The following SPEF2 variants were observed in gnomAD, a reference collection of about 807,000 sequenced individuals.
The protein encoded by SPEF2 is sperm flagellar and cilia associated 2.
In SPEF2, 187 loss-of-function variants were observed where a neutral mutation model predicts 224.6. The ratio of observed to expected loss-of-function variants is 0.83; its 90% CI spans 0.74 to 0.94. SPEF2 has a LOEUF of 0.94. Among genes scored for constraint, SPEF2 ranks in the 40% least tolerant of loss-of-function variants. The pLI, the probability that SPEF2 is intolerant of heterozygous loss-of-function variation, is 0.00. For missense variants in SPEF2, 2,170 were observed against 2,135.6 expected, an observed-to-expected ratio of 1.02 and a Z score of -0.32; for synonymous variants, 715 against 707.3, an observed-to-expected ratio of 1.01 and a Z score of -0.17.
intron 21 of SPEF2, among the ~76,000 whole-genome samples, chr5:35,738,943 AG>A (rs1747117056): frequency 6.6e-6 from 1 of 151,990 alleles, no homozygotes; most frequent in African/African-American, 2.4e-5. Context: ...CTTCCTCCCA[AG>A]CTTTACCAGC....
At chr5:35,700,940 C>T (rs764908027) in intron 16 of SPEF2, among the ~76,000 whole-genome samples, 188 bp downstream of exon 16, 28 of 152,238 alleles carry the variant, frequency 1.8e-4, no homozygotes, top group Middle Eastern at 6.8e-3. Flanking sequence ...TGGGCAAAGC[C>T]GGGAACTAGT....
intron 1 of SPEF2, among the ~76,000 whole-genome samples, chr5:35,621,609 C>G (rs568410082): frequency 6.6e-6 from 1 of 152,210 alleles, no homozygotes; most frequent in South Asian, 2.1e-4. Context: ...CCATCTCGGC[C>G]TATTATAATA....
At chr5:35,766,378 GT>G (rs1369104481) in intron 26 of SPEF2, among the ~76,000 whole-genome samples, 2 of 151,900 alleles carry the variant, frequency 1.3e-5, no homozygotes, top group African/African-American at 4.8e-5. Context: ...AAAAACTTGA[GT>G]TGTTTTTGGT....
intron 26 of SPEF2, among the ~76,000 whole-genome samples, chr5:35,769,900 T>C (rs1460578696): frequency 6.6e-6 from 1 of 152,038 alleles, no homozygotes; most frequent in Non-Finnish European, 1.5e-5. Context: ...TTATAAATAA[T>C]TAAATAAGCC....
intron 21 of SPEF2, among the ~76,000 whole-genome samples, chr5:35,730,500 T>C (rs1305032662): frequency 6.6e-6 from 1 of 152,210 alleles, no homozygotes; most frequent in East Asian, 1.9e-4. Flanking sequence ...CTGTCCTCCT[T>C]CAGGAGGCTG....
At chr5:35,642,143 T>A (rs1746700909) in intron 3 of SPEF2, among the ~76,000 whole-genome samples, 1 of 152,204 alleles carries the variant, frequency 6.6e-6, no homozygotes. Flanking sequence ...AAAATGTCTC[T>A]CAATCTTCTG....
intron 18 of SPEF2, among the ~76,000 whole-genome samples, chr5:35,708,071 A>C (rs1740176024): frequency 6.6e-6 from 1 of 152,172 alleles, no homozygotes; most frequent in Non-Finnish European, 1.5e-5. Flanking sequence ...TTGTATCTCC[A>C]GCAATCAGAA....
intron 18 of SPEF2, among the ~76,000 whole-genome samples, chr5:35,706,300 GTTTA>G (rs1344961076): frequency 6.6e-6 from 1 of 151,674 alleles, no homozygotes; most frequent in Non-Finnish European, 1.5e-5. Flanking sequence ...TTTGTTATAA[GTTTA>G]TTTATTATTA....
intron 6 of SPEF2, 57 bp downstream of exon 6, chr5:35,649,482 T>G: frequency 1.5e-6 from 2 of 1,320,142 alleles, no homozygotes; most frequent in South Asian, 1.4e-5. Flanking sequence ...ACACATAGCT[T>G]TTGAATATTT....
chr5:35,671,568 T>C (rs1010155619), intron 10 of SPEF2: 1 of 951,592 alleles, frequency 1.1e-6, no homozygotes, highest in South Asian at 4.9e-5. Flanking sequence ...GTCATTTTAT[T>C]TGACAGACTT....
chr5:35,664,177 A>C (rs1174068938), intron 8 of SPEF2, among the ~76,000 whole-genome samples: 1 of 151,838 alleles, frequency 6.6e-6, no homozygotes, highest in African/African-American at 2.4e-5. Flanking sequence ...ATAGTGTGTA[A>C]TTATACATGT....
At chr5:35,708,616 TCTA>T (rs1740364575) in intron 18 of SPEF2, among the ~76,000 whole-genome samples, 5 of 860 alleles carry the variant, frequency 5.8e-3, no homozygotes, top group East Asian at 0.045. Flanking sequence ...CTTCACCACC[TCTA>T]CCTCCACCAC....
chr5:35,780,503 T>C (rs773242059), intron 30 of SPEF2, among the ~76,000 whole-genome samples: 70 of 152,220 alleles, frequency 4.6e-4, no homozygotes, highest in Non-Finnish European at 6.6e-4. Context: ...TTGGCAGCAT[T>C]TGGGCACGAA....
intron 10 of SPEF2, chr5:35,675,522 A>C (rs1751849750): frequency 1.3e-5 from 2 of 152,786 alleles, no homozygotes; most frequent in Admixed American, 6.6e-5. Context: ...TTGGTTGGTT[A>C]GGATTCCTTT....
intron 2 of SPEF2, among the ~76,000 whole-genome samples, chr5:35,638,945 T>TACCA (rs1222365051): frequency 6.6e-6 from 1 of 152,148 alleles, no homozygotes; most frequent in Non-Finnish European, 1.5e-5. Flanking sequence ...GTTTCAGGTG[T>TACCA]ACCAAAGTGG....
Position 35,814,524 on chromosome 5 carries a change from C to T in SPEF2, c.5440C>T (p.Pro1814Ser). 1 of 1,607,420 alleles carries T rather than the reference C, an allele frequency of 6.2e-7. No homozygotes were observed. The highest frequency in any genetic ancestry group is 1.1e-5 in the South Asian group (1 of 89,880). Residue 1814 changes from proline to serine, a missense_variant, in exon 37 of 37, where the codon CCT (proline) becomes TCT (serine). Transcript: ENST00000356031. ...ACAAGGAAGTGATGGAGAGAGATCA[C>T]CTTCAAGACATACAGAGGAAAAGAA... ...HVQGSDGERS[P>S]SRHTEEKK is the part of the protein sequence containing the mutation.
intron 25 of SPEF2, among the ~76,000 whole-genome samples, chr5:35,763,172 T>C (rs185830348): frequency 6.6e-6 from 1 of 152,290 alleles, no homozygotes; most frequent in Admixed American, 6.5e-5. Context: ...ACGACTGACT[T>C]TTTTATTATC....
At chr5:35,693,753 T>C (rs745688411) in intron 12 of SPEF2, among the ~76,000 whole-genome samples, 1 of 152,212 alleles carries the variant, frequency 6.6e-6, no homozygotes, top group Non-Finnish European at 1.5e-5. Context: ...GATAATCTGA[T>C]CCAGATCATT....
At chr5:35,676,067 G>C (rs1035137702) in intron 10 of SPEF2, 13 of 451,582 alleles carry the variant, frequency 2.9e-5, no homozygotes, top group African/African-American at 2.6e-4. Context: ...CCAGAATTGA[G>C]AAATGGTTTC....
Sources: gnomAD v4.1 joint callset for allele counts (sites outside exome capture counted in the v4.1 genomes callset) on GRCh38, gnomAD v4.1.1 for gene constraint, MANE v1.5 for transcripts, NCBI Gene and HGNC (gene_info 2026-07-23, HGNC 2026-07-21) for gene names.